SH3BGRL2: variants seen among roughly 807,000 people sequenced by gnomAD.
The protein encoded by SH3BGRL2 is SH3 domain binding glutamate rich protein like 2.
SH3BGRL2 carries 21 observed loss-of-function variants against 14.8 expected under a neutral mutation model. The ratio of observed to expected loss-of-function variants is 1.42; its 90% CI spans 1.01 to 2.05. The LOEUF (loss-of-function observed/expected upper bound fraction) is 2.05, where lower values mean the gene tolerates loss of function less well. Among genes scored for constraint, SH3BGRL2 ranks in the 30% most tolerant of loss-of-function variants. The probability of loss-of-function intolerance (pLI) is 0.00; values close to 1 mark genes in which losing one functional copy is unlikely to be tolerated. For synonymous variants in SH3BGRL2, 50 were observed against 47.8 expected, an observed-to-expected ratio of 1.05 and a Z score of -0.19; for missense variants, 147 against 130.8, an observed-to-expected ratio of 1.12 and a Z score of -0.61.
chr6:79,673,787 C>G lies in SH3BGRL2; in HGVS notation c.219C>G (p.Asp73Glu). The G allele has an allele frequency of 6.2e-7, 1 of 1,613,740 alleles. No homozygotes were observed. The highest frequency in any genetic ancestry group is 8.5e-7 in the Non-Finnish European group (1 of 1,179,860). The change falls in exon 2 of 4, where the codon GAC (aspartate) becomes GAG (glutamate). Residue 73 changes from aspartate to glutamate, a missense_variant. Transcript: ENST00000369838. The stretch of plus-strand genomic sequence containing the variant: ...TGCCACCTCAGATATTTAATGGCGA[C>G]CGATACTGTGGAGTAAGTGGCTAGA... ...NPLPPQIFNGDRYCGDYDSFF... is the reference protein window; with the variant it reads ...NPLPPQIFNGERYCGDYDSFF...
At chr6:79,662,361 C>T (rs1165960269) in intron 1 of SH3BGRL2, among the ~76,000 whole-genome samples, 1 of 152,164 alleles carries the variant, frequency 6.6e-6, no homozygotes, top group Non-Finnish European at 1.5e-5. Context: ...AATCTCTCAG[C>T]ATTTGCTTGT....
At chr6:79,648,294 T>TATATTTGACA (rs1562146772) in intron 1 of SH3BGRL2, among the ~76,000 whole-genome samples, 1 of 78,314 alleles carries the variant, frequency 1.3e-5, no homozygotes, top group Non-Finnish European at 2.6e-5. Flanking sequence ...TTGACATATA[T>TATATTTGACA]TATATATAAT....
At chr6:79,570,143 T>C in the SH3BGRL2 span, among the ~76,000 whole-genome samples, 2 of 152,164 alleles carry the variant, frequency 1.3e-5, no homozygotes, top group Non-Finnish European at 2.9e-5. Flanking sequence ...TTTAAGAACA[T>C]ATGGTAGTTA....
chr6:79,575,648 T>G, the SH3BGRL2 span: 1 of 152,138 alleles, frequency 6.6e-6, no homozygotes, highest in Non-Finnish European at 1.5e-5. Context: ...TACTTAAAGT[T>G]TTTTACTTAA....
chr6:79,690,864 C>A lies in SH3BGRL2; in HGVS notation c.232-5621C>A, dbSNP rs541693815. 7.2e-5 allele frequency among the ~76,000 whole-genome samples: 11 copies of A among 152,212 alleles called. No homozygotes were observed. In the East Asian group the frequency reaches 2.1e-3, roughly 29 times the overall value. ...CCCTGGAGTTCAAGATCAGCCTGGG[C>A]AATATAATGATACCTCATCTCTACA... On this transcript the variant is annotated intron_variant, in intron 2 of 3. Coordinates refer to ENST00000369838, the MANE Select transcript of SH3BGRL2 (RefSeq NM_031469.4).
the SH3BGRL2 span, among the ~76,000 whole-genome samples, chr6:79,624,063 C>T: frequency 2.6e-5 from 4 of 151,946 alleles, no homozygotes; most frequent in South Asian, 2.1e-4. Context: ...TAAATGCAAA[C>T]TTTATGTTTA....
chr6:79,626,916 G>A (rs956228826), upstream of SH3BGRL2, among the ~76,000 whole-genome samples: 6 of 152,106 alleles, frequency 3.9e-5, no homozygotes, highest in Non-Finnish European at 8.8e-5. Flanking sequence ...AAAGAAAATA[G>A]ACGCACTTAA....
At position 79,669,452 on chromosome 6, in the gene SH3BGRL2, CT is replaced by C. The variant is rs66477199; in HGVS notation, c.46-4143del. Among the ~76,000 whole-genome samples the C allele has an allele frequency of 9.8e-3, 1,199 of 122,916 alleles. 18 individuals are homozygous for C. Among genetic ancestry groups the C allele is most frequent in the African/African-American group, 0.03 (987 of 32,946 alleles). 80.6% of individuals were successfully genotyped at this position (122,916 alleles called of 152,430 possible). A position where few individuals can be genotyped will look rare whatever the true frequency, so the allele number is the denominator to read the frequency against. ...CTCCTGGCCTTGGGGAATTTATATT[CT>C]TTTTTTTTTTTTTTTTTTGAGACAA... On this transcript the variant is annotated intron_variant, in intron 1 of 3. Transcript: ENST00000369838.
At chr6:79,633,279 A>T (rs1189198506) in intron 1 of SH3BGRL2, among the ~76,000 whole-genome samples, 1 of 152,202 alleles carries the variant, frequency 6.6e-6, no homozygotes, top group East Asian at 1.9e-4. Flanking sequence ...TCTCTTCTGT[A>T]AAATGAAGGA....
the SH3BGRL2 span, among the ~76,000 whole-genome samples, chr6:79,615,112 C>T: frequency 6.6e-6 from 1 of 152,114 alleles, no homozygotes; most frequent in Non-Finnish European, 1.5e-5. Context: ...TGGACAATGC[C>T]TTTGACACCA....
At chr6:79,650,636 C>T (rs1317222902) in intron 1 of SH3BGRL2, among the ~76,000 whole-genome samples, 4 of 152,042 alleles carry the variant, frequency 2.6e-5, no homozygotes, top group Admixed American at 2.6e-4. Flanking sequence ...ACAGTCAGTT[C>T]TCAAGGGGGA....
the SH3BGRL2 span, among the ~76,000 whole-genome samples, chr6:79,572,345 C>T: frequency 6.6e-6 from 1 of 152,210 alleles, no homozygotes; most frequent in African/African-American, 2.4e-5. Flanking sequence ...TACAGTCTCA[C>T]AAATATATTA....
the SH3BGRL2 span, among the ~76,000 whole-genome samples, chr6:79,565,372 GTTTGTGC>G: frequency 6.6e-6 from 1 of 151,860 alleles, no homozygotes; most frequent in Non-Finnish European, 1.5e-5. Context: ...TTTAATACTA[GTTTGTGC>G]TTTCTTGAGT....
At chr6:79,642,241 ATTACAGCTAT>A (rs1769047517) in intron 1 of SH3BGRL2, among the ~76,000 whole-genome samples, 1 of 152,150 alleles carries the variant, frequency 6.6e-6, no homozygotes, top group African/African-American at 2.4e-5. Flanking sequence ...ATAATATAGT[ATTACAGCTAT>A]TTACATAGCA....
At chr6:79,597,461 G>A in the SH3BGRL2 span, among the ~76,000 whole-genome samples, 1 of 151,994 alleles carries the variant, frequency 6.6e-6, no homozygotes, top group South Asian at 2.1e-4. Context: ...CCAGAAATAA[G>A]TCCTCACATT....
In SH3BGRL2 at chr6:79,672,471, TA is replaced by T. The variant is rs932334844; in HGVS notation, c.46-1141del. Among the ~76,000 whole-genome samples the T allele has an allele frequency of 2.3e-4, 35 of 152,190 alleles. 2 individuals carry two copies. Among genetic ancestry groups the T allele is most frequent in the Admixed American group, 2.0e-3 (31 of 15,276 alleles). ...CATATAGTTCTGCTGCTTTTCTTTT[TA>T]ACCTACTAATATGTCTTGGAGAGCT... is the stretch of plus-strand genomic sequence containing the variant. On this transcript the variant is annotated intron_variant, in intron 1 of 3. Transcript: ENST00000369838.
chr6:79,557,528 GA>G, the SH3BGRL2 span, among the ~76,000 whole-genome samples: 3 of 152,034 alleles, frequency 2.0e-5, no homozygotes, highest in Non-Finnish European at 2.9e-5. Context: ...GCAATGTGGG[GA>G]AAAAATGTGG....
At chr6:79,614,077 C>G in the SH3BGRL2 span, among the ~76,000 whole-genome samples, 1 of 152,134 alleles carries the variant, frequency 6.6e-6, no homozygotes, top group Non-Finnish European at 1.5e-5. Flanking sequence ...GTCCCAGAGC[C>G]CCTACAGTCC....
chr6:79,543,691 A>G, the SH3BGRL2 span, among the ~76,000 whole-genome samples: 35 of 152,232 alleles, frequency 2.3e-4, no homozygotes, highest in Non-Finnish European at 4.0e-4. Context: ...TATTTAAAAC[A>G]TAGGAACTGT....
Sources: gnomAD v4.1 joint callset for allele counts (sites outside exome capture counted in the v4.1 genomes callset) on GRCh38, gnomAD v4.1.1 for gene constraint, MANE v1.5 for transcripts, NCBI Gene and HGNC (gene_info 2026-07-23, HGNC 2026-07-21) for gene names.